The following RBFOX1 variants were observed in gnomAD, a reference collection of about 807,000 sequenced individuals.
RBFOX1 encodes the protein RNA binding protein fox-1 homolog 1.
Under a neutral mutation model 57.7 loss-of-function variants are expected in RBFOX1, and 8 were observed. That is an observed-to-expected ratio of 0.14 (90% confidence interval 0.08 to 0.25). RBFOX1 has a LOEUF of 0.25. Among genes scored for constraint, RBFOX1 ranks in the 10% least tolerant of loss-of-function variants. The probability of loss-of-function intolerance (pLI) is 1.00; values close to 1 mark genes in which losing one functional copy is unlikely to be tolerated. For synonymous variants in RBFOX1, 326 were observed against 222.4 expected (o/e 1.47, Z -4.15); for missense variants, 611 against 548.5 (o/e 1.11, Z -1.14).
At chr16:6,585,259 T>G (rs557422589) in intron 2 of RBFOX1, among the ~76,000 whole-genome samples, 90 of 152,300 alleles carry the variant, frequency 5.9e-4, no homozygotes, top group African/African-American at 2.1e-3. Flanking sequence ...GAGGAAACCT[T>G]TATCGTCATG....
chr16:5,997,870 T>C (rs1046264248), intron 4 of RBFOX1, among the ~76,000 whole-genome samples: 4 of 152,190 alleles, frequency 2.6e-5, no homozygotes, highest in Non-Finnish European at 4.4e-5. Context: ...TATTTGCTGA[T>C]AGTCAATCAT....
intron 2 of RBFOX1, among the ~76,000 whole-genome samples, chr16:5,468,783 G>C (rs555401600): frequency 5.3e-5 from 8 of 152,312 alleles, no homozygotes; most frequent in Non-Finnish European, 8.8e-5. Flanking sequence ...CCTTTGGCTT[G>C]ACCTGGATCC....
intron 1 of RBFOX1, among the ~76,000 whole-genome samples, chr16:5,290,169 A>T (rs1030119568): frequency 1.3e-5 from 2 of 152,208 alleles, no homozygotes; most frequent in African/African-American, 4.8e-5. Flanking sequence ...AGAACACGCA[A>T]ATCTATGAAG....
chr16:7,268,708 T>A, intron 4 of RBFOX1, among the ~76,000 whole-genome samples: 1 of 152,060 alleles, frequency 6.6e-6, no homozygotes, highest in East Asian at 1.9e-4. Context: ...AGAGCCTCCT[T>A]GGGACTAGCC....
intron 2 of RBFOX1, among the ~76,000 whole-genome samples, chr16:6,505,240 C>G (rs747031056): frequency 6.6e-6 from 1 of 152,118 alleles, no homozygotes; most frequent in African/African-American, 2.4e-5. Context: ...GTAGTTGTCA[C>G]TTTCAGTATG....
chr16:7,470,162 A>C (rs1327483089), intron 4 of RBFOX1, among the ~76,000 whole-genome samples: 3 of 152,176 alleles, frequency 2.0e-5, no homozygotes, highest in African/African-American at 7.2e-5. Context: ...GCCTTTCTTA[A>C]TCTGACTGTA....
chr16:7,549,301 G>A (rs1157412504), intron 5 of RBFOX1, among the ~76,000 whole-genome samples: 2 of 152,184 alleles, frequency 1.3e-5, no homozygotes, highest in Non-Finnish European at 1.5e-5. Flanking sequence ...AAGCAAAGAA[G>A]TGTTTGAAAT....
chr16:6,183,410 G>A (rs1383064582), intron 1 of RBFOX1, among the ~76,000 whole-genome samples: 2 of 151,852 alleles, frequency 1.3e-5, no homozygotes, highest in Non-Finnish European at 2.9e-5. Flanking sequence ...AACTCGGGAG[G>A]TGGAGGTTGC....
At chr16:7,376,067 C>T (rs1402205716) in intron 4 of RBFOX1, among the ~76,000 whole-genome samples, 2 of 152,178 alleles carry the variant, frequency 1.3e-5, no homozygotes, top group East Asian at 1.9e-4. Flanking sequence ...CTGAAAAGTA[C>T]ATTGTAAAAA....
chr16:6,611,596 G>C (rs377520272), intron 2 of RBFOX1, among the ~76,000 whole-genome samples: 1 of 152,126 alleles, frequency 6.6e-6, no homozygotes, highest in African/African-American at 2.4e-5. Context: ...TTTCCTATCC[G>C]TGTTCCGCTG....
At chr16:7,100,056 T>C (rs1391441760) in intron 4 of RBFOX1, among the ~76,000 whole-genome samples, 2 of 150,878 alleles carry the variant, frequency 1.3e-5, no homozygotes, top group African/African-American at 2.4e-5. Context: ...TTTCACATGA[T>C]GGGGGGTGAG....
At chr16:6,427,991 T>C (rs1276865677) in intron 2 of RBFOX1, among the ~76,000 whole-genome samples, 1 of 152,072 alleles carries the variant, frequency 6.6e-6, no homozygotes, top group East Asian at 1.9e-4. Flanking sequence ...TAGAAATGTG[T>C]TTGATGAGAG....
intron 1 of RBFOX1, among the ~76,000 whole-genome samples, chr16:6,119,265 A>C (rs1030087723): frequency 3.9e-5 from 6 of 152,192 alleles, no homozygotes; most frequent in Non-Finnish European, 7.4e-5. Context: ...TTAAGGGGAT[A>C]TTTCTCAGCT....
chr16:7,038,676 G>C lies in RBFOX1; in HGVS notation c.-15-13381G>C, dbSNP rs568539202. 7.9e-5 allele frequency among the ~76,000 whole-genome samples: 12 copies of C among 152,248 alleles called. No homozygotes were observed. The South Asian group carries it at 2.3e-3, about 29-fold the overall frequency. On this transcript the variant is annotated intron_variant, in intron 3 of 15. Transcript: ENST00000550418. ...CTGAAGTGAACAACTCCACGAGACT[G>C]CATTCTTGCAGAAAGCAGATGTGGG...
At chr16:6,802,366 A>G (rs2085678463) in intron 3 of RBFOX1, among the ~76,000 whole-genome samples, 1 of 152,092 alleles carries the variant, frequency 6.6e-6, no homozygotes, top group Admixed American at 6.6e-5. Context: ...TTTCCCTTTT[A>G]ACAGTTAATG....
intron 3 of RBFOX1, among the ~76,000 whole-genome samples, chr16:5,817,214 A>G (rs538054878): frequency 2.0e-5 from 3 of 152,084 alleles, no homozygotes; most frequent in Non-Finnish European, 4.4e-5. Flanking sequence ...TGGGGTGTGC[A>G]CTTCTAGGAG....
intron 4 of RBFOX1, among the ~76,000 whole-genome samples, chr16:7,180,709 A>G (rs377069852): frequency 0.063 from 4,275 of 67,666 alleles, 98 homozygotes; most frequent in Admixed American, 0.13. Flanking sequence ...GTAAGTTATT[A>G]TGATGAAAAA....
At chr16:6,860,470 A>G (rs1330257226) in intron 3 of RBFOX1, among the ~76,000 whole-genome samples, 1 of 152,208 alleles carries the variant, frequency 6.6e-6, no homozygotes. Context: ...TGCTGATGGA[A>G]GAGTATATTG....
intron 7 of RBFOX1, 94 bp from the exon 8 acceptor site, chr16:7,595,455 A>G: frequency 2.0e-6 from 2 of 997,384 alleles, no homozygotes; most frequent in Non-Finnish European, 2.9e-6. Context: ...AGCCAGGACA[A>G]GAAATAGAAA....
Sources: gnomAD v4.1 joint callset for allele counts (sites outside exome capture counted in the v4.1 genomes callset) on GRCh38, gnomAD v4.1.1 for gene constraint, MANE v1.5 for transcripts, NCBI Gene and HGNC (gene_info 2026-07-23, HGNC 2026-07-21) for gene names.